The following CEP83 variants were observed in gnomAD, a reference collection of about 807,000 sequenced individuals.
CEP83 encodes the protein centrosomal protein of 83 kDa.
CEP83 carries 70 observed loss-of-function variants against 101.9 expected under a neutral mutation model. The observed-to-expected ratio is 0.69, with a 90% CI of 0.57 to 0.84. The LOEUF is 0.84. Among genes scored for constraint, CEP83 ranks in the 40% least tolerant of loss-of-function variants. The probability of loss-of-function intolerance (pLI) is 0.00; values close to 1 mark genes in which losing one functional copy is unlikely to be tolerated. For missense variants in CEP83, 715 were observed against 787.2 expected (o/e 0.91, Z 1.10); for synonymous variants, 264 against 267.9 (o/e 0.99, Z 0.14).
At chr12:94,307,146 G>C (rs1969122245), downstream of CEP83, 1 of 152,146 alleles carries the variant, frequency 6.6e-6, no homozygotes, top group African/African-American at 2.4e-5. Flanking sequence ...CAGCTTTCTG[G>C]CACATGAGTC....
the CEP83 span, among the ~76,000 whole-genome samples, chr12:94,276,159 T>C: frequency 1.4e-4 from 22 of 152,252 alleles, no homozygotes; most frequent in African/African-American, 5.3e-4. Context: ...AATAGAATGC[T>C]GTTTCACAAA....
chr12:94,301,858 A>G (rs540215958), downstream of CEP83, among the ~76,000 whole-genome samples: 8 of 152,254 alleles, frequency 5.3e-5, no homozygotes, highest in South Asian at 2.1e-4. Flanking sequence ...AGAATCCTCA[A>G]CGTTATCTTT....
At chr12:94,282,458 G>A in the CEP83 span, 1 of 1,157,114 alleles carries the variant, frequency 8.6e-7, no homozygotes, top group South Asian at 1.3e-5. Context: ...TAGTCCCATG[G>A]ACATTCTTTT....
chr12:94,290,056 T>C, the CEP83 span, among the ~76,000 whole-genome samples: 1 of 152,190 alleles, frequency 6.6e-6, no homozygotes, highest in African/African-American at 2.4e-5. Context: ...TCCGAGGTAT[T>C]TGTGATTATA....
chr12:94,331,717 C>T lies in CEP83; in HGVS notation c.1690G>A (p.Ala564Thr). ...CCACTTGCCTTTTTCTGGGCAATTG[C>T]AGCTCGCTGCAGTTTCTCCTTAGCT... is the stretch of plus-strand genomic sequence containing the variant. ...NQAKEKLQRA[A>T]IAQKKRKSLH... Residue 564 changes from alanine (A) to threonine (T), a missense_variant, in exon 14 of 17, where the codon GCA (alanine) becomes ACA (threonine). Ala to Thr is a moderately conservative substitution (Grantham distance 58). Coordinates refer to ENST00000397809, the MANE Select transcript of CEP83 (RefSeq NM_016122.3). The T allele has an allele frequency of 6.2e-7, 1 of 1,613,836 alleles. No homozygotes were observed. Among genetic ancestry groups the T allele is most frequent in the Non-Finnish European group, 8.5e-7 (1 of 1,179,916 alleles).
At chr12:94,395,266 A>G (rs1209301589) in intron 6 of CEP83, among the ~76,000 whole-genome samples, 1 of 152,064 alleles carries the variant, frequency 6.6e-6, no homozygotes, top group East Asian at 1.9e-4. Context: ...GCAACCCGAC[A>G]TGGCACATGT....
chr12:94,310,953 G>A (rs758248793), intron 15 of CEP83, among the ~76,000 whole-genome samples: 33 of 152,220 alleles, frequency 2.2e-4, no homozygotes, highest in Non-Finnish European at 3.8e-4. Context: ...TGGTGGCTGG[G>A]GGCCCCTGAA....
chr12:94,345,107 C>T (rs914348290), intron 11 of CEP83, among the ~76,000 whole-genome samples: 13 of 152,188 alleles, frequency 8.5e-5, no homozygotes, highest in African/African-American at 3.1e-4. Flanking sequence ...CATTACCTTA[C>T]ACCACATAAA....
At chr12:94,361,947 C>T (rs969740753) in intron 11 of CEP83, among the ~76,000 whole-genome samples, 2 of 152,040 alleles carry the variant, frequency 1.3e-5, no homozygotes, top group African/African-American at 2.4e-5. Context: ...GTGATCCACC[C>T]GCCTTGGCCT....
the CEP83 span, among the ~76,000 whole-genome samples, chr12:94,291,742 A>C: frequency 6.6e-6 from 1 of 152,092 alleles, no homozygotes; most frequent in Non-Finnish European, 1.5e-5. Flanking sequence ...TGTCTATATA[A>C]ATTTGCCCAT....
At chr12:94,411,884 T>A (rs761128178) in intron 3 of CEP83, 37 bp from the exon 4 acceptor site, 1 of 1,537,316 alleles carries the variant, frequency 6.5e-7, no homozygotes, top group South Asian at 1.2e-5. Context: ...TTTGAGTAAA[T>A]CCTTTCTTTC....
chr12:94,384,055 A>C (rs568634493), intron 6 of CEP83, among the ~76,000 whole-genome samples: 5 of 152,246 alleles, frequency 3.3e-5, no homozygotes, highest in Non-Finnish European at 4.4e-5. Flanking sequence ...ATGTACATTT[A>C]TCCTTCCTAA....
chr12:94,389,181 T>C (rs2062359150), intron 6 of CEP83, among the ~76,000 whole-genome samples: 1 of 152,204 alleles, frequency 6.6e-6, no homozygotes, highest in South Asian at 2.1e-4. Flanking sequence ...CTTTAAACTA[T>C]ATATAAAGTG....
chr12:94,414,422 A>T (rs1363307296), intron 2 of CEP83, among the ~76,000 whole-genome samples: 1 of 152,206 alleles, frequency 6.6e-6, no homozygotes, highest in East Asian at 1.9e-4. Context: ...TTCAGCAACC[A>T]TCTAAATAGT....
downstream of CEP83, chr12:94,304,223 GC>G (rs778782630): frequency 1.9e-6 from 1 of 528,930 alleles, no homozygotes. Flanking sequence ...GTACATGGCT[GC>G]CCCCCTTACA....
intron 6 of CEP83, among the ~76,000 whole-genome samples, chr12:94,381,153 C>T (rs957903771): frequency 2.0e-5 from 3 of 152,190 alleles, no homozygotes; most frequent in Non-Finnish European, 4.4e-5. Context: ...TTATTACATT[C>T]AATCACTGCC....
chr12:94,420,053 C>T (rs1482349520), intron 2 of CEP83, among the ~76,000 whole-genome samples: 2 of 151,936 alleles, frequency 1.3e-5, no homozygotes, highest in Admixed American at 1.3e-4. Flanking sequence ...CATCTTTTGC[C>T]CAATTTTTTC....
Position 94,308,274 on chromosome 12 carries a change from A to C in CEP83, c.*539T>G, listed in dbSNP as rs1173433502. The C allele has an allele frequency of 6.6e-6, 1 of 152,272 alleles. No homozygotes were observed. Among genetic ancestry groups the C allele is most frequent in the Non-Finnish European group, 1.5e-5 (1 of 68,084 alleles). 9.4% of individuals were successfully genotyped at this position (152,272 alleles called of 1,614,324 possible). On this transcript the variant is annotated 3_prime_UTR_variant, in exon 17 of 17. Coordinates refer to ENST00000397809, the MANE Select transcript of CEP83 (RefSeq NM_016122.3). ...CTATATGGTTGATGTAAAATTAAAC[A>C]CACGATTAAAAAAAAATTAAGCTCT...
chr12:94,397,015 T>A (rs1247225500), intron 6 of CEP83, among the ~76,000 whole-genome samples: 1 of 152,200 alleles, frequency 6.6e-6, no homozygotes, highest in East Asian at 1.9e-4. Flanking sequence ...ATATAGAAAA[T>A]GAAGTATGAA....
Sources: gnomAD v4.1 joint callset for allele counts (sites outside exome capture counted in the v4.1 genomes callset) on GRCh38, gnomAD v4.1.1 for gene constraint, MANE v1.5 for transcripts, NCBI Gene and HGNC (gene_info 2026-07-23, HGNC 2026-07-21) for gene names.